Variants in P2RY1 observed in about 807,000 individuals in gnomAD.
The protein encoded by P2RY1 is purinergic receptor P2Y1.
A neutral mutation model predicts 22.8 loss-of-function variants in P2RY1; 14 were observed. The observed-to-expected ratio is 0.61, with a 90% CI of 0.41 to 0.96. The LOEUF is 0.96. Ranked by LOEUF, P2RY1 falls within the 40% of genes least tolerant of loss-of-function variation. The pLI is 0.00. For missense variants in P2RY1, 395 were observed against 470.3 expected (o/e 0.84, Z 1.48); for synonymous variants, 200 against 195.1 (o/e 1.03, Z -0.21).
rs1193766578 is a variant in P2RY1 at position 152,840,653 on chromosome 3, G to T, written c.*3749G>T. ...CTTTAAGGAGATGGGGAGAGAAAAA[G>T]GCAGCTGGTATAATCGGTTACTGCT... On this transcript the variant is annotated 3_prime_UTR_variant, in exon 1 of 1. Transcript: ENST00000305097. The T allele has an allele frequency of 6.6e-6, 1 of 152,110 alleles. No homozygotes were observed. Among genetic ancestry groups the T allele is most frequent in the African/African-American group, 2.4e-5 (1 of 41,412 alleles). The allele number at this position is 152,110 out of a possible 1,614,324, so 9.4% of individuals were successfully genotyped here.
chr3:152,839,185 T>C lies in P2RY1; in HGVS notation c.*2281T>C, dbSNP rs1716242326. The C allele has an allele frequency of 6.6e-6, 1 of 152,204 alleles. No individual in the cohort carries two copies. Among genetic ancestry groups the C allele is most frequent in the Admixed American group, 6.5e-5 (1 of 15,278 alleles). The allele number at this position is 152,204 out of a possible 1,614,324, so 9.4% of individuals were successfully genotyped here. On this transcript the variant is annotated 3_prime_UTR_variant, in exon 1 of 1. Coordinates refer to ENST00000305097, the MANE Select transcript of P2RY1 (RefSeq NM_002563.5). ...TGCTTGTTTACTACTTGGCATGTTT[T>C]TTCCAAAGTGTTTCTTCTTTAGCTT... is the stretch of plus-strand genomic sequence containing the variant.
Position 152,836,679 on chromosome 3 carries a change from TG to T in P2RY1, c.898del (p.Asp300ThrfsTer9). Reference protein sequence around the residue: ...FQTPAMCAFNDRVYATYQVTR... With the variant: ...FQTPAMCAFNXRVYATYQVTR... Reference sequence around the variant, plus strand: ...AGACCCCAGCAATGTGTGCTTTCAATGACAGGGTTTATGCCACGTATCAGGT... The same window carrying T: ...AGACCCCAGCAATGTGTGCTTTCAATACAGGGTTTATGCCACGTATCAGGT... On this transcript the variant is annotated frameshift_variant, in exon 1 of 1. Transcript: ENST00000305097. LOFTEE classifies it high-confidence loss of function. This position sits in a 1 kb window ranked among gnomAD's most constrained non-coding sequence, Gnocchi z 5.6. The T allele has an allele frequency of 6.2e-7, 1 of 1,614,162 alleles. No individual in the cohort carries two copies. The highest frequency in any genetic ancestry group is 8.5e-7 in the Non-Finnish European group (1 of 1,180,030).
chr3:152,841,237 G>T lies in P2RY1; in HGVS notation c.*4333G>T, dbSNP rs912289050. 1 of 151,438 alleles carries T rather than the reference G, an allele frequency of 6.6e-6. No homozygotes were observed. Among genetic ancestry groups the T allele is most frequent in the Non-Finnish European group, 1.5e-5 (1 of 67,956 alleles). The allele number at this position is 151,438 out of a possible 1,614,324, so 9.4% of individuals were successfully genotyped here. A position where few individuals can be genotyped will look rare whatever the true frequency, so the allele number is the denominator to read the frequency against. On this transcript the variant is annotated 3_prime_UTR_variant, in exon 1 of 1. Transcript: ENST00000305097. Reference sequence around the variant, plus strand: ...ACATTTCCTATAATAGCATAGTACTGTTTGCATGTAAGAGTATGCAAAACC... The same window carrying T: ...ACATTTCCTATAATAGCATAGTACTTTTTGCATGTAAGAGTATGCAAAACC...
In P2RY1 at chr3:152,836,379, C is replaced by T. The variant is rs758771172; in HGVS notation, c.597C>T (p.Thr199=). ...YSGTGVRKNK[T]ITCYDTTSDE... is the part of the protein sequence containing the mutation. Reference sequence around the variant, plus strand: ...GTACCGGGGTCCGCAAAAACAAAACCATCACCTGTTACGACACCACCTCAG... The same window carrying T: ...GTACCGGGGTCCGCAAAAACAAAACTATCACCTGTTACGACACCACCTCAG... Residue 199 remains threonine (T), a synonymous_variant, in exon 1 of 1, where the codon ACC becomes ACT. Transcript: ENST00000305097. This position sits in a 1 kb window ranked among gnomAD's most constrained non-coding sequence, Gnocchi z 5.6. 2.5e-6 allele frequency: 4 copies of T among 1,614,120 alleles called. No individual in the cohort carries two copies. Among genetic ancestry groups the T allele is most frequent in the Non-Finnish European group, 3.4e-6 (4 of 1,180,030 alleles).
chr3:152,841,022 TTTATA>T lies in P2RY1; in HGVS notation c.*4123_*4127del, dbSNP rs971452788. On this transcript the variant is annotated 3_prime_UTR_variant, in exon 1 of 1. Transcript: ENST00000305097. ...AGTGCTATTGCAAAAAATGTTTATTTTTATATTATCTGTGATTTTAATATAGATGA... is the reference window on the plus strand; with the variant it reads ...AGTGCTATTGCAAAAAATGTTTATTTTTATCTGTGATTTTAATATAGATGA... The T allele has an allele frequency of 3.3e-5, 5 of 152,160 alleles. No individual in the cohort carries two copies. The highest frequency in any genetic ancestry group is 6.5e-5 in the Admixed American group (1 of 15,272). The allele number at this position is 152,160 out of a possible 1,614,324, so 9.4% of individuals were successfully genotyped here.
rs533683001 is a variant in P2RY1, at chr3:152,836,455, A to G, written c.673A>G (p.Met225Val). 4 of 1,614,164 alleles carry G rather than the reference A, an allele frequency of 2.5e-6. No homozygotes were observed. Among genetic ancestry groups the G allele is most frequent in the South Asian group, 2.2e-5 (2 of 91,076 alleles). ...CTACAGCATGTGCACGACCGTGGCC[A>G]TGTTCTGTGTCCCCTTGGTGCTGAT... ...FIYSMCTTVA[M>V]FCVPLVLILG... The change falls in exon 1 of 1, where the codon ATG (methionine) becomes GTG (valine). Residue 225 changes from methionine to valine, a missense_variant. By Grantham distance (21) the Met-to-Val change is conservative (BLOSUM62 1). Coordinates refer to ENST00000305097, the MANE Select transcript of P2RY1 (RefSeq NM_002563.5). The surrounding 1 kb of genome is among the most constrained non-coding windows in gnomAD (Gnocchi z 5.6).
In P2RY1 at chr3:152,836,926, C is replaced by G; in HGVS notation, c.*22C>G. 1 of 1,564,710 alleles carries G rather than the reference C, an allele frequency of 6.4e-7. No homozygotes were observed. Among genetic ancestry groups the G allele is most frequent in the Non-Finnish European group, 8.7e-7 (1 of 1,149,148 alleles). On this transcript the variant is annotated 3_prime_UTR_variant, in exon 1 of 1. Transcript: ENST00000305097. This position sits in a 1 kb window ranked among gnomAD's most constrained non-coding sequence, Gnocchi z 5.6. ...GTGAAGGCACAAGAATCTCCAAACA[C>G]CTCTCTGTTGTAATATGGTAGGATG...
Position 152,835,675 on chromosome 3 carries a change from C to A in P2RY1, c.-108C>A. On this transcript the variant is annotated 5_prime_UTR_variant, in exon 1 of 1. Transcript: ENST00000305097. ...CTCCCGCGGGGATCCAGTTCGCCTG[C>A]TCCCTTCCGCTCGCTGGCTTTTCCG... 2 of 1,122,566 alleles carry A rather than the reference C, an allele frequency of 1.8e-6. No homozygotes were observed. The highest frequency in any genetic ancestry group is 2.5e-6 in the Non-Finnish European group (2 of 810,382). The allele number at this position is 1,122,566 out of a possible 1,614,324, so 69.5% of individuals were successfully genotyped here.
At position 152,841,118 on chromosome 3, in the gene P2RY1, A is replaced by T. The variant is rs1354608029; in HGVS notation, c.*4214A>T. On this transcript the variant is annotated 3_prime_UTR_variant, in exon 1 of 1. Transcript: ENST00000305097. The stretch of plus-strand genomic sequence containing the variant: ...AGCAGTATGGAAACAGTGTTACTTG[A>T]TATTTTGAGCTTTCTCAGGTTTATC... 2.0e-5 allele frequency: 3 copies of T among 152,166 alleles called. No individual in the cohort carries two copies. The highest frequency in any genetic ancestry group is 4.4e-5 in the Non-Finnish European group (3 of 68,026). 9.4% of individuals were successfully genotyped at this position (152,166 alleles called of 1,614,324 possible). A position where few individuals can be genotyped will look rare whatever the true frequency, so the allele number is the denominator to read the frequency against.
Position 152,839,554 on chromosome 3 carries a change from CTT to C in P2RY1, c.*2652_*2653del, listed in dbSNP as rs1299830880. ...TGCTTACAAATCAGCATCTTTGACTCTTTGAACATCAATTTGTGTTTACATTG... is the reference window on the plus strand; with the variant it reads ...TGCTTACAAATCAGCATCTTTGACTCTGAACATCAATTTGTGTTTACATTG... On this transcript the variant is annotated 3_prime_UTR_variant, in exon 1 of 1. Transcript: ENST00000305097. 1.3e-5 allele frequency: 2 copies of C among 152,140 alleles called. No homozygotes were observed. The highest frequency in any genetic ancestry group is 2.9e-5 in the Non-Finnish European group (2 of 68,014). The allele number at this position is 152,140 out of a possible 1,614,324, so 9.4% of individuals were successfully genotyped here. A position where few individuals can be genotyped will look rare whatever the true frequency, so the allele number is the denominator to read the frequency against.
In P2RY1 at chr3:152,836,062, G is replaced by T. The variant is rs760860385; in HGVS notation, c.280G>T (p.Ala94Ser). 4 of 1,614,128 alleles carry T rather than the reference G, an allele frequency of 2.5e-6. No homozygotes were observed. In the South Asian group the frequency reaches 4.4e-5, roughly 18 times the overall value. ...CATCTCCGTGTACATGTTCAATTTG[G>T]CTCTGGCCGACTTCTTGTACGTGCT... ...SGISVYMFNL[A>S]LADFLYVLTL... The change falls in exon 1 of 1, where the codon GCT becomes TCT. Residue 94 changes from alanine to serine, a missense_variant. Around this residue, in one of 3 missense-constraint regions of P2RY1, gnomAD observed 291 missense variants for 361.6 expected, o/e 0.80. Transcript: ENST00000305097. This position sits in a 1 kb window ranked among gnomAD's most constrained non-coding sequence, Gnocchi z 5.6.
At position 152,838,106 on chromosome 3, in the gene P2RY1, TC is replaced by T. The variant is rs1716216714; in HGVS notation, c.*1203del. 6.2e-6 allele frequency: 1 copy of T among 161,910 alleles called. No individual in the cohort carries two copies. Among genetic ancestry groups the T allele is most frequent in the African/African-American group, 2.4e-5 (1 of 41,452 alleles). 10.0% of individuals were successfully genotyped at this position (161,910 alleles called of 1,614,324 possible). ...GCATTGATAGAATGGGAAGCTATAA[TC>T]TTTGAATAAACCTTACATCTCAATA... On this transcript the variant is annotated 3_prime_UTR_variant, in exon 1 of 1. Coordinates refer to ENST00000305097, the MANE Select transcript of P2RY1 (RefSeq NM_002563.5).
In P2RY1 at chr3:152,839,715, AT is replaced by A. The variant is rs1716254943; in HGVS notation, c.*2812del. 1 of 152,220 alleles carries A rather than the reference AT, an allele frequency of 6.6e-6. No homozygotes were observed. The highest frequency in any genetic ancestry group is 1.5e-5 in the Non-Finnish European group (1 of 68,038). 9.4% of individuals were successfully genotyped at this position (152,220 alleles called of 1,614,324 possible). A position where few individuals can be genotyped will look rare whatever the true frequency, so the allele number is the denominator to read the frequency against. On this transcript the variant is annotated 3_prime_UTR_variant, in exon 1 of 1. Transcript: ENST00000305097. ...GAACACACATGGATTTAAAAGTTGG[AT>A]GACATCCATTGTTGGGGCCTTGGGG...
Position 152,835,852 on chromosome 3 carries a change from T to C in P2RY1, c.70T>C (p.Ser24Pro), listed in dbSNP as rs748459639. Reference protein sequence around the residue: ...DAAFLAGPGSSWGNSTVASTA... With the variant: ...DAAFLAGPGSPWGNSTVASTA... The stretch of plus-strand genomic sequence containing the variant: ...TGCCTTCCTGGCCGGTCCGGGTTCG[T>C]CCTGGGGGAACAGCACGGTCGCCTC... Residue 24 changes from serine (S) to proline (P), a missense_variant, in exon 1 of 1, where the codon TCC becomes CCC. Physicochemically the swap from Ser to Pro is moderately conservative, Grantham distance 74. Transcript: ENST00000305097. 1 of 1,613,290 alleles carries C rather than the reference T, an allele frequency of 6.2e-7. No individual in the cohort carries two copies. The highest frequency in any genetic ancestry group is 8.5e-7 in the Non-Finnish European group (1 of 1,180,044).
At position 152,840,663 on chromosome 3, in the gene P2RY1, A is replaced by G. The variant is rs142610068; in HGVS notation, c.*3759A>G. The G allele has an allele frequency of 1.6e-3, 246 of 152,316 alleles. 1 individual carries two copies. The highest frequency in any genetic ancestry group is 5.5e-3 in the African/African-American group (228 of 41,582). The allele number at this position is 152,316 out of a possible 1,614,324, so 9.4% of individuals were successfully genotyped here. A position where few individuals can be genotyped will look rare whatever the true frequency, so the allele number is the denominator to read the frequency against. On this transcript the variant is annotated 3_prime_UTR_variant, in exon 1 of 1. Transcript: ENST00000305097. ...ATGGGGAGAGAAAAAGGCAGCTGGTATAATCGGTTACTGCTGCTTAGTTCT... is the reference window on the plus strand; with the variant it reads ...ATGGGGAGAGAAAAAGGCAGCTGGTGTAATCGGTTACTGCTGCTTAGTTCT...
rs1453907543 is a variant in P2RY1 at position 152,835,899 on chromosome 3, G to T, written c.117G>T (p.Ser39=). 1.9e-6 allele frequency: 3 copies of T among 1,614,034 alleles called. No homozygotes were observed. Among genetic ancestry groups the T allele is most frequent in the Non-Finnish European group, 2.5e-6 (3 of 1,180,042 alleles). Residue 39 remains serine, a synonymous_variant, in exon 1 of 1, where the codon TCG becomes TCT. Transcript: ENST00000305097. ...CCTCCACTGCCGCCGTCTCCTCGTC[G>T]TTCAAATGCGCCTTGACCAAGACGG... is the stretch of plus-strand genomic sequence containing the variant. ...TVASTAAVSS[S]FKCALTKTGF...
In P2RY1 at chr3:152,836,259, C is replaced by A; in HGVS notation, c.477C>A (p.Ser159=). The change falls in exon 1 of 1, where the codon TCC becomes TCA. Residue 159 remains serine (S), a synonymous_variant. Coordinates refer to ENST00000305097, the MANE Select transcript of P2RY1 (RefSeq NM_002563.5). The surrounding 1 kb of genome is among the most constrained non-coding windows in gnomAD (Gnocchi z 5.6). ...RYSGVVYPLK[S]LGRLKKKNAI... is the part of the protein sequence containing the mutation. ...GCGGTGTGGTGTACCCCCTCAAGTCCCTGGGCCGGCTCAAAAAGAAGAATG... is the reference window on the plus strand; with the variant it reads ...GCGGTGTGGTGTACCCCCTCAAGTCACTGGGCCGGCTCAAAAAGAAGAATG... 1.2e-6 allele frequency: 2 copies of A among 1,614,052 alleles called. No individual in the cohort carries two copies. Among genetic ancestry groups the A allele is most frequent in the Non-Finnish European group, 1.7e-6 (2 of 1,180,014 alleles).
rs1695868658 is a variant in P2RY1 at position 152,835,653 on chromosome 3, C to T, written c.-130C>T. ...TGGGCGAGCCCCTGCGCGCCCCCTC[C>T]CGCGGGGATCCAGTTCGCCTGCTCC... On this transcript the variant is annotated 5_prime_UTR_variant, in exon 1 of 1. Transcript: ENST00000305097. 3 of 924,642 alleles carry T rather than the reference C, an allele frequency of 3.2e-6. No individual in the cohort carries two copies. Among genetic ancestry groups the T allele is most frequent in the South Asian group, 1.8e-5 (1 of 56,378 alleles). 57.3% of individuals were successfully genotyped at this position (924,642 alleles called of 1,614,324 possible). A position where few individuals can be genotyped will look rare whatever the true frequency, so the allele number is the denominator to read the frequency against.
Position 152,837,072 on chromosome 3 carries a change from G to GT in P2RY1, c.*171dup, listed in dbSNP as rs1457247292. The GT allele has an allele frequency of 1.6e-6, 1 of 612,526 alleles. No individual in the cohort carries two copies. The highest frequency in any genetic ancestry group is 2.9e-6 in the Non-Finnish European group (1 of 344,782). The allele number at this position is 612,526 out of a possible 1,614,324, so 37.9% of individuals were successfully genotyped here. A position where few individuals can be genotyped will look rare whatever the true frequency, so the allele number is the denominator to read the frequency against. On this transcript the variant is annotated 3_prime_UTR_variant, in exon 1 of 1. Coordinates refer to ENST00000305097, the MANE Select transcript of P2RY1 (RefSeq NM_002563.5). ...AAATGCCCACATCCACACTTAGCTTGTTTGGGTTTGCTTTCACAGTCTCTC... is the reference window on the plus strand; with the variant it reads ...AAATGCCCACATCCACACTTAGCTTGTTTTGGGTTTGCTTTCACAGTCTCTC...
Sources: gnomAD v4.1 joint callset for allele counts on GRCh38, gnomAD v4.1.1 for gene constraint, gnomAD v4.1.1 regional missense constraint, Gnocchi (gnomAD v3.1) non-coding constraint, MANE v1.5 for transcripts, NCBI Gene and HGNC (gene_info 2026-07-23, HGNC 2026-07-21) for gene names.